Variants in PTPRN2 observed in about 807,000 individuals in gnomAD.
The protein encoded by PTPRN2 is protein tyrosine phosphatase receptor type N2.
A neutral mutation model predicts 118.8 loss-of-function variants in PTPRN2; 74 were observed. That is an observed-to-expected ratio of 0.62 (90% CI 0.52 to 0.76). PTPRN2 has a LOEUF of 0.76. Ranked by LOEUF, PTPRN2 falls within the 30% of genes least tolerant of loss-of-function variation. The pLI is 0.00. For synonymous variants in PTPRN2, 641 were observed against 608.0 expected, an observed-to-expected ratio of 1.05 and a Z score of -0.80; for missense variants, 1,481 against 1,394.4, an observed-to-expected ratio of 1.06 and a Z score of -0.99.
Position 157,622,052 on chromosome 7 carries a change from G to A in PTPRN2, c.2197-543C>T, listed in dbSNP as rs550221928. Reference sequence around the variant, plus strand: ...GATCTTAATTTTTCTGGTGCTTGTCGTTGAGCATTACTATGAGTAGACAAG... The same window carrying A: ...GATCTTAATTTTTCTGGTGCTTGTCATTGAGCATTACTATGAGTAGACAAG... On this transcript the variant is annotated intron_variant, in intron 14 of 22. Coordinates refer to ENST00000389418, the MANE Select transcript of PTPRN2 (RefSeq NM_002847.5). This position sits in a 1 kb window ranked among gnomAD's most constrained non-coding sequence, Gnocchi z 5.3. Among the ~76,000 whole-genome samples, 10 of 152,058 alleles carry A rather than the reference G, an allele frequency of 6.6e-5. No individual in the cohort carries two copies. Among genetic ancestry groups the A allele is most frequent in the East Asian group, 3.9e-4 (2 of 5,144 alleles).
At chr7:158,050,935 G>A (rs555388843) in intron 11 of PTPRN2, among the ~76,000 whole-genome samples, 23 of 152,382 alleles carry the variant, frequency 1.5e-4, no homozygotes, top group African/African-American at 5.5e-4. Context: ...CACGGCAGGA[G>A]TGAGGAGCAC....
At chr7:158,545,943 G>T (rs1463945732) in intron 1 of PTPRN2, among the ~76,000 whole-genome samples, 3 of 152,146 alleles carry the variant, frequency 2.0e-5, no homozygotes, top group Non-Finnish European at 4.4e-5. Context: ...AGGTTGCAGT[G>T]AGCCGAAATT....
chr7:158,004,454 G>A (rs1450766201), intron 11 of PTPRN2, among the ~76,000 whole-genome samples: 1 of 152,178 alleles, frequency 6.6e-6, no homozygotes, highest in Admixed American at 6.5e-5. Context: ...AGAACTGCAT[G>A]CATTCCTTTG....
intron 10 of PTPRN2, among the ~76,000 whole-genome samples, chr7:158,090,777 C>G (rs917378684): frequency 3.9e-5 from 6 of 152,202 alleles, no homozygotes; most frequent in Non-Finnish European, 7.3e-5. Flanking sequence ...TTGGAAATCT[C>G]TTTTTCCCCT....
intron 14 of PTPRN2, among the ~76,000 whole-genome samples, chr7:157,644,436 G>A (rs1468666989): frequency 6.6e-6 from 1 of 152,202 alleles, no homozygotes; most frequent in Non-Finnish European, 1.5e-5. Context: ...CAGGCCCCTG[G>A]AGGTCCACAG....
At chr7:158,465,361 C>G (rs1670364) in intron 2 of PTPRN2, among the ~76,000 whole-genome samples, 105,027 of 152,066 alleles carry the variant, frequency 0.69, 36,525 homozygotes, top group Admixed American at 0.78. Context: ...TCATTCATAC[C>G]ACACCCCTTA....
chr7:157,812,276 G>A (rs1806099762), intron 12 of PTPRN2, among the ~76,000 whole-genome samples: 1 of 152,162 alleles, frequency 6.6e-6, no homozygotes. Flanking sequence ...CGGGAGAGAC[G>A]CCCAGAGGGA....
At chr7:157,930,439 T>C (rs922717817) in intron 11 of PTPRN2, among the ~76,000 whole-genome samples, 4 of 152,324 alleles carry the variant, frequency 2.6e-5, no homozygotes, top group Non-Finnish European at 5.9e-5. Context: ...GGTGCAATCA[T>C]TTCCCAGGAT....
intron 12 of PTPRN2, among the ~76,000 whole-genome samples, chr7:157,697,885 G>A (rs1638766): frequency 1.5e-5 from 2 of 133,866 alleles, no homozygotes; most frequent in Admixed American, 7.8e-5. Context: ...TGCATACTGG[G>A]TCTTGGCAGA....
At chr7:158,396,006 A>G (rs1812464893) in intron 2 of PTPRN2, among the ~76,000 whole-genome samples, 1 of 152,072 alleles carries the variant, frequency 6.6e-6, no homozygotes, top group Non-Finnish European at 1.5e-5. Context: ...CCCATGGGGC[A>G]GAGCTGCTGC....
Position 158,133,691 on chromosome 7 carries a change from G to A in PTPRN2, c.1542C>T (p.Ile514=), listed in dbSNP as rs201964824. Residue 514 remains isoleucine (I), a synonymous_variant, in exon 9 of 23, where the codon ATC becomes ATT. Coordinates refer to ENST00000389418, the MANE Select transcript of PTPRN2 (RefSeq NM_002847.5). Reference sequence around the variant, plus strand: ...CTGCTACTCACTCTCTGTCTGTCACGATGTAGCCCCGCGCCTCTTCCTCGG... The same window carrying A: ...CTGCTACTCACTCTCTGTCTGTCACAATGTAGCCCCGCGCCTCTTCCTCGG... ...QPSEEEARGY[I]VTDRDPLRPE... 2.0e-5 allele frequency: 31 copies of A among 1,588,694 alleles called. No homozygotes were observed. The East Asian group carries it at 5.4e-4, about 28-fold the overall frequency.
At position 157,590,009 on chromosome 7, in the gene PTPRN2, G is replaced by C. The variant is rs941445949; in HGVS notation, c.2496+5229C>G. Among the ~76,000 whole-genome samples the C allele has an allele frequency of 2.0e-5, 3 of 152,176 alleles. No homozygotes were observed. The highest frequency in any genetic ancestry group is 7.2e-5 in the African/African-American group (3 of 41,442). On this transcript the variant is annotated intron_variant, in intron 17 of 22. Coordinates refer to ENST00000389418, the MANE Select transcript of PTPRN2 (RefSeq NM_002847.5). This position sits in a 1 kb window ranked among gnomAD's most constrained non-coding sequence, Gnocchi z 4.0. ...AAACTCTCTGGCTTCTTTTTCTGTT[G>C]TGTTTTGAATGTCAGCACCCTTTTT... is the stretch of plus-strand genomic sequence containing the variant.
At chr7:158,476,638 G>C (rs1471018414) in intron 2 of PTPRN2, among the ~76,000 whole-genome samples, 1 of 152,254 alleles carries the variant, frequency 6.6e-6, no homozygotes, top group Non-Finnish European at 1.5e-5. Context: ...CCCTGACACC[G>C]AGTCAATCTG....
intron 5 of PTPRN2, among the ~76,000 whole-genome samples, chr7:158,172,858 C>G (rs906614622): frequency 1.4e-5 from 2 of 145,292 alleles, no homozygotes; most frequent in East Asian, 4.0e-4. Flanking sequence ...ACTTCACCAT[C>G]CACAGCACCA....
intron 2 of PTPRN2, among the ~76,000 whole-genome samples, chr7:158,412,664 T>TCAGCACCCTCCTCAGCACCAGGGCCCATC (rs1814238973): frequency 1.7e-5 from 1 of 57,304 alleles, no homozygotes; most frequent in Admixed American, 2.2e-4. Context: ...AGGGCCCATC[T>TCAGCACCCTCCTCAGCACCAGGGCCCATC]CAGCACCCTC....
At chr7:157,569,027 A>C in intron 20 of PTPRN2, 61 bp from the exon 21 acceptor site, 1 of 1,455,970 alleles carries the variant, frequency 6.9e-7, no homozygotes, top group Non-Finnish European at 9.6e-7. Flanking sequence ...GACCCACAAC[A>C]AAGCTAGTGA....
chr7:158,418,952 A>G (rs553426421), intron 2 of PTPRN2, among the ~76,000 whole-genome samples: 2 of 152,382 alleles, frequency 1.3e-5, no homozygotes, highest in African/African-American at 4.8e-5. Context: ...AGATTATAAG[A>G]GTTTGTAACG....
Position 157,649,849 on chromosome 7 carries a change from C to T in PTPRN2, c.2196+6508G>A, listed in dbSNP as rs533412775. Among the ~76,000 whole-genome samples, 811 of 150,102 alleles carry T rather than the reference C, an allele frequency of 5.4e-3. 4 individuals carry two copies. Among genetic ancestry groups the T allele is most frequent in the African/African-American group, 0.019 (772 of 40,596 alleles). On this transcript the variant is annotated intron_variant, in intron 14 of 22. Coordinates refer to ENST00000389418, the MANE Select transcript of PTPRN2 (RefSeq NM_002847.5). ...GGACCCATTCACTGTGCACTGAACTCGGTGGGTTGGACCCACCCAGGGTGC... is the reference window on the plus strand; with the variant it reads ...GGACCCATTCACTGTGCACTGAACTTGGTGGGTTGGACCCACCCAGGGTGC...
In PTPRN2 at chr7:157,585,763, G is replaced by A. The variant is rs149636401; in HGVS notation, c.2497-7623C>T. Among the ~76,000 whole-genome samples the A allele has an allele frequency of 2.0e-5, 3 of 152,322 alleles. No homozygotes were observed. Among genetic ancestry groups the A allele is most frequent in the African/African-American group, 7.2e-5 (3 of 41,582 alleles). ...GGAAGAGGAAGAGGGGAGGAGGAGT[G>A]GGGATGGGAGGAGCTGGCCGGAGGC... On this transcript the variant is annotated intron_variant, in intron 17 of 22. Coordinates refer to ENST00000389418, the MANE Select transcript of PTPRN2 (RefSeq NM_002847.5). The surrounding 1 kb of genome is among the most constrained non-coding windows in gnomAD (Gnocchi z 5.2).
Sources: allele counts gnomAD v4.1 joint callset (sites outside exome capture counted in the v4.1 genomes callset), GRCh38; gene constraint gnomAD v4.1.1; non-coding constraint Gnocchi (gnomAD v3.1); transcripts MANE v1.5; gene names NCBI Gene and HGNC (gene_info 2026-07-23, HGNC 2026-07-21).